Variants in DAB1 observed in about 807,000 individuals in gnomAD.
DAB1 encodes the protein disabled homolog 1.
DAB1 carries 15 observed loss-of-function variants against 64.6 expected under a neutral mutation model. That is an observed-to-expected ratio of 0.23 (90% CI 0.16 to 0.36). DAB1 has a LOEUF of 0.36. DAB1 is among the 10% of genes least tolerant of loss of function. The pLI, the probability that DAB1 is intolerant of heterozygous loss-of-function variation, is 1.00. For synonymous variants in DAB1, 235 were observed against 251.9 expected (o/e 0.93, Z 0.64); for missense variants, 596 against 706.7 (o/e 0.84, Z 1.78).
rs1486553040 is a variant in DAB1, at chr1:57,949,563, C to CAT, written n.388-65402_388-65401insAT. Among the ~76,000 whole-genome samples the CAT allele has an allele frequency of 3.5e-4, 52 of 146,676 alleles. No homozygotes were observed. In the South Asian group the frequency reaches 0.011, roughly 31 times the overall value. The stretch of plus-strand genomic sequence containing the variant: ...TATCATCTATCTACACACACACACA[C>CAT]ACAATATATATATATAATGCACATA... On this transcript the variant is annotated intron_variant and non_coding_transcript_variant, in intron 5 of 20. Coordinates refer to the DAB1 transcript ENST00000485760.
intron 1 of DAB1, among the ~76,000 whole-genome samples, chr1:57,380,978 C>T (rs1044122770): frequency 5.3e-5 from 8 of 152,182 alleles, no homozygotes; most frequent in African/African-American, 1.9e-4. Context: ...ATATTCCATC[C>T]CTATCCTAAA....
At chr1:57,354,207 G>C (rs1463279097) in intron 1 of DAB1, among the ~76,000 whole-genome samples, 1 of 151,892 alleles carries the variant, frequency 6.6e-6, no homozygotes, top group Non-Finnish European at 1.5e-5. Flanking sequence ...ACAGACTCAG[G>C]GTCCTAGAAT....
chr1:57,185,147 G>A (rs1440932967), intron 2 of DAB1, among the ~76,000 whole-genome samples: 7 of 152,128 alleles, frequency 4.6e-5, no homozygotes, highest in South Asian at 4.2e-4. Flanking sequence ...TGTGCCAGGC[G>A]AACTCCCTGA....
chr1:57,097,526 G>A (rs941558540), intron 4 of DAB1, among the ~76,000 whole-genome samples: 2 of 152,256 alleles, frequency 1.3e-5, no homozygotes, highest in Admixed American at 6.5e-5. Flanking sequence ...ATTAATTGCA[G>A]GAGCTGGAAA....
intron 7 of DAB1, among the ~76,000 whole-genome samples, chr1:57,471,171 CA>C (rs1687121203): frequency 6.6e-6 from 1 of 152,072 alleles, no homozygotes; most frequent in African/African-American, 2.4e-5. Flanking sequence ...GATGACGAAC[CA>C]AATTCTAAAC....
At chr1:57,721,036 T>C (rs1188935863) in intron 6 of DAB1, among the ~76,000 whole-genome samples, 1 of 152,160 alleles carries the variant, frequency 6.6e-6, no homozygotes, top group Non-Finnish European at 1.5e-5. Context: ...CTGCTGATAT[T>C]GATGTTATAA....
intron 6 of DAB1, among the ~76,000 whole-genome samples, chr1:57,752,201 G>A (rs766988501): frequency 1.3e-5 from 2 of 152,190 alleles, no homozygotes; most frequent in Non-Finnish European, 2.9e-5. Flanking sequence ...TCCAAATGGA[G>A]AGTATATTTT....
intron 3 of DAB1, among the ~76,000 whole-genome samples, chr1:57,140,717 A>G (rs995825538): frequency 6.6e-6 from 1 of 152,188 alleles, no homozygotes; most frequent in African/African-American, 2.4e-5. Context: ...GGCTCAGTAA[A>G]TAACAGTTAT....
At chr1:58,033,558 T>C (rs1388177202) in intron 5 of DAB1, among the ~76,000 whole-genome samples, 1 of 152,220 alleles carries the variant, frequency 6.6e-6, no homozygotes, top group African/African-American at 2.4e-5. Flanking sequence ...GGCCACTTTG[T>C]GTTTCCCTCT....
intron 1 of DAB1, among the ~76,000 whole-genome samples, chr1:57,331,910 T>C (rs1259997252): frequency 6.6e-6 from 1 of 152,242 alleles, no homozygotes; most frequent in Non-Finnish European, 1.5e-5. Flanking sequence ...GATGACTTTC[T>C]TGAGCAGCTT....
At chr1:57,901,658 T>C (rs1644475719) in intron 5 of DAB1, among the ~76,000 whole-genome samples, 1 of 152,102 alleles carries the variant, frequency 6.6e-6, no homozygotes, top group African/African-American at 2.4e-5. Context: ...AAGTCTGATA[T>C]TGTGTTTTAA....
chr1:57,339,174 G>A (rs1261672234), intron 1 of DAB1, among the ~76,000 whole-genome samples: 1 of 128,984 alleles, frequency 7.8e-6, no homozygotes, highest in Admixed American at 8.7e-5. Context: ...TTTTTTTTTC[G>A]AGACAGAGTC....
rs138882684 is a variant in DAB1 at position 57,626,742 on chromosome 1, G to T, written n.625+22850C>A. 3.3e-5 allele frequency among the ~76,000 whole-genome samples: 5 copies of T among 152,256 alleles called. No individual in the cohort carries two copies. In the East Asian group the frequency reaches 9.6e-4, roughly 29 times the overall value. ...TCACAGATAGCCATCTTTTCACTGT[G>T]CCCCCACATGGCAGAAGAGGTGAGG... On this transcript the variant is annotated intron_variant and non_coding_transcript_variant, in intron 7 of 20. Transcript: ENST00000485760.
chr1:57,765,897 C>T (rs557570304), intron 6 of DAB1, among the ~76,000 whole-genome samples: 1 of 152,064 alleles, frequency 6.6e-6, no homozygotes, highest in Non-Finnish European at 1.5e-5. Context: ...TCCCAAAGTG[C>T]TGGGATTACA....
intron 9 of DAB1, among the ~76,000 whole-genome samples, chr1:57,032,441 G>A (rs1409278731): frequency 6.6e-5 from 10 of 152,112 alleles, no homozygotes; most frequent in Non-Finnish European, 2.9e-5. Context: ...GGTCTGACAT[G>A]TGCTCCTCCT....
At position 57,069,405 on chromosome 1, in the gene DAB1, T is replaced by G; in HGVS notation, c.618A>C (p.Gly206=). The G allele has an allele frequency of 6.2e-7, 1 of 1,613,478 alleles. No homozygotes were observed. Among genetic ancestry groups the G allele is most frequent in the Admixed American group, 1.7e-5 (1 of 60,012 alleles). The change falls in exon 8 of 15, where the codon GGA becomes GGC. Residue 206 remains glycine, a synonymous_variant. Transcript: ENST00000371236. ...TTTCGGGATCACGGATTGGCTCGTG[T>G]CCAGCCTCAAACACAATGTACTATT... is the stretch of plus-strand genomic sequence containing the variant. ...PVYQYIVFEA[G]HEPIRDPETE...
intron 2 of DAB1, among the ~76,000 whole-genome samples, chr1:57,259,802 G>A (rs191904496): frequency 1.3e-5 from 2 of 152,234 alleles, no homozygotes; most frequent in African/African-American, 2.4e-5. Flanking sequence ...CATGGGTACT[G>A]AATGATTAAA....
intron 4 of DAB1, among the ~76,000 whole-genome samples, chr1:57,103,693 T>C (rs1014044579): frequency 3.3e-5 from 5 of 152,122 alleles, no homozygotes; most frequent in Admixed American, 6.5e-5. Flanking sequence ...ACTTTGATCT[T>C]AGCCTAAGAG....
At chr1:57,697,382 T>C (rs886884994) in intron 6 of DAB1, among the ~76,000 whole-genome samples, 1 of 146,410 alleles carries the variant, frequency 6.8e-6, no homozygotes, top group African/African-American at 2.5e-5. Flanking sequence ...AAGCCTGCCT[T>C]GTGATAGTTC....
Sources: gnomAD v4.1 joint callset for allele counts (sites outside exome capture counted in the v4.1 genomes callset) on GRCh38, gnomAD v4.1.1 for gene constraint, MANE v1.5 for transcripts, NCBI Gene and HGNC (gene_info 2026-07-23, HGNC 2026-07-21) for gene names.